The following MARK1 variants were observed in gnomAD, a reference collection of about 807,000 sequenced individuals.
MARK1 encodes serine/threonine-protein kinase MARK1.
A neutral mutation model predicts 96.3 loss-of-function variants in MARK1; 40 were observed. The ratio of observed to expected loss-of-function variants is 0.42; its 90% CI spans 0.32 to 0.54. The LOEUF (loss-of-function observed/expected upper bound fraction) is 0.54, where lower values mean the gene tolerates loss of function less well. Ranked by LOEUF, MARK1 falls within the 20% of genes least tolerant of loss-of-function variation. The pLI is 0.16. For synonymous variants in MARK1, 317 were observed against 341.2 expected (o/e 0.93, Z 0.78); for missense variants, 719 against 984.6 (o/e 0.73, Z 3.61).
intron 1 of MARK1, chr1:220,571,610 C>T (rs939766839): frequency 1.4e-4 from 21 of 152,178 alleles, no homozygotes; most frequent in African/African-American, 4.8e-4. Flanking sequence ...ATATTTCTGA[C>T]AACTAAACTC....
At chr1:220,592,211 G>GATTATATCATATTAT (rs1665033460) in intron 3 of MARK1, among the ~76,000 whole-genome samples, 1 of 130,790 alleles carries the variant, frequency 7.6e-6, no homozygotes, top group Non-Finnish European at 1.6e-5. Flanking sequence ...TCACTGTCAT[G>GATTATATCATATTAT]ATTATATCAT....
At chr1:220,629,409 C>T (rs1026999722) in intron 9 of MARK1, among the ~76,000 whole-genome samples, 1 of 150,786 alleles carries the variant, frequency 6.6e-6, no homozygotes, top group Non-Finnish European at 1.5e-5. Flanking sequence ...TATATTTACC[C>T]TCAACAACTT....
rs550001368 is a variant in MARK1 at position 220,642,726 on chromosome 1, G to A, written c.1470+6700G>A. On this transcript the variant is annotated intron_variant, in intron 13 of 17. Coordinates refer to ENST00000366917, the MANE Select transcript of MARK1 (RefSeq NM_018650.5). ...CAACTCATATGGGAGAGTTCCAGCTGGCATCAGGTTGCTGCCCCTCTGGGA... is the reference window on the plus strand; with the variant it reads ...CAACTCATATGGGAGAGTTCCAGCTAGCATCAGGTTGCTGCCCCTCTGGGA... Among the ~76,000 whole-genome samples, 8 of 152,322 alleles carry A rather than the reference G, an allele frequency of 5.3e-5. No individual in the cohort carries two copies. The East Asian group carries it at 1.5e-3, about 29-fold the overall frequency.
intron 13 of MARK1, among the ~76,000 whole-genome samples, chr1:220,639,376 T>C (rs1037014100): frequency 3.2e-4 from 49 of 152,228 alleles, no homozygotes; most frequent in Non-Finnish European, 8.8e-5. Flanking sequence ...TTTTAATTTA[T>C]TTCACTTATA....
rs892387126 is a variant in MARK1 at position 220,584,502 on chromosome 1, G to A, written c.309+3384G>A. On this transcript the variant is annotated intron_variant, in intron 3 of 17. Coordinates refer to ENST00000366917, the MANE Select transcript of MARK1 (RefSeq NM_018650.5). ...TTATTAAATGAATAATCAAGTTACC[G>A]CTCGTGTCTGGTGTGTTACCTGTTA... Among the ~76,000 whole-genome samples, 4 of 152,234 alleles carry A rather than the reference G, an allele frequency of 2.6e-5. No individual in the cohort carries two copies. The East Asian group carries it at 5.8e-4, about 22-fold the overall frequency.
At chr1:220,573,183 G>C (rs1227851991) in intron 1 of MARK1, among the ~76,000 whole-genome samples, 1 of 151,966 alleles carries the variant, frequency 6.6e-6, no homozygotes, top group Non-Finnish European at 1.5e-5. Flanking sequence ...AGAATTTACA[G>C]TTTGGAGGAA....
At chr1:220,602,798 G>A (rs76309804) in intron 5 of MARK1, among the ~76,000 whole-genome samples, 2,609 of 151,936 alleles carry the variant, frequency 0.017, 34 homozygotes, top group Middle Eastern at 0.048. Context: ...CATTCATTAC[G>A]TATTTGATTT....
intron 1 of MARK1, among the ~76,000 whole-genome samples, chr1:220,541,373 A>G (rs1327291450): frequency 6.6e-6 from 1 of 152,056 alleles, no homozygotes; most frequent in Non-Finnish European, 1.5e-5. Flanking sequence ...GCTTGAGAAG[A>G]ATTTATATTG....
chr1:220,547,421 C>T (rs1001945665), intron 1 of MARK1, among the ~76,000 whole-genome samples: 1 of 152,206 alleles, frequency 6.6e-6, no homozygotes, highest in Non-Finnish European at 1.5e-5. Flanking sequence ...TTCTACCTTC[C>T]TCTCCAGGAG....
At position 220,635,988 on chromosome 1, in the gene MARK1, G is replaced by A. The variant is rs761372469; in HGVS notation, c.1432G>A (p.Val478Ile). ...AAGCGAGATGACTGCAAGCCCTCTTGTAGGGCCAGAGAGGAAAAAATCTTC... is the reference window on the plus strand; with the variant it reads ...AAGCGAGATGACTGCAAGCCCTCTTATAGGGCCAGAGAGGAAAAAATCTTC... ...SKSEMTASPL[V>I]GPERKKSSTI... is the part of the protein sequence containing the mutation. The change falls in exon 13 of 18, where the codon GTA (valine) becomes ATA (isoleucine). Residue 478 changes from valine to isoleucine, a missense_variant. Val to Ile is a conservative substitution (Grantham distance 29). Coordinates refer to ENST00000366917, the MANE Select transcript of MARK1 (RefSeq NM_018650.5). 21 of 1,613,444 alleles carry A rather than the reference G, an allele frequency of 1.3e-5. No homozygotes were observed. Among genetic ancestry groups the A allele is most frequent in the Non-Finnish European group, 1.7e-5 (20 of 1,179,846 alleles).
At chr1:220,570,236 T>C (rs1001203625) in intron 1 of MARK1, among the ~76,000 whole-genome samples, 1 of 152,056 alleles carries the variant, frequency 6.6e-6, no homozygotes, top group Non-Finnish European at 1.5e-5. Context: ...GGAAGTGATA[T>C]CTAAGCTGAA....
At chr1:220,625,780 A>G (rs569879505) in intron 9 of MARK1, 19 of 452,560 alleles carry the variant, frequency 4.2e-5, no homozygotes, top group African/African-American at 2.8e-4. Flanking sequence ...GTCTGTTACT[A>G]CTACGACGGG....
chr1:220,653,365 G>A lies in MARK1; in HGVS notation c.1988+13G>A. The A allele has an allele frequency of 6.2e-7, 1 of 1,612,388 alleles. No individual in the cohort carries two copies. The highest frequency in any genetic ancestry group is 8.5e-7 in the Non-Finnish European group (1 of 1,178,518). Reference sequence around the variant, plus strand: ...AATTTGTTCGCAGGTCAGTACCAATGTACTGTCGTGTTTTGATTCCTCTAG... The same window carrying A: ...AATTTGTTCGCAGGTCAGTACCAATATACTGTCGTGTTTTGATTCCTCTAG... On this transcript the variant is annotated intron_variant, in intron 16 of 17. Transcript: ENST00000366917.
At chr1:220,582,847 A>G (rs1438886014) in intron 3 of MARK1, among the ~76,000 whole-genome samples, 2 of 152,192 alleles carry the variant, frequency 1.3e-5, no homozygotes, top group Non-Finnish European at 2.9e-5. Context: ...AAAATGATAC[A>G]ATTTTGTTTT....
chr1:220,619,635 A>G (rs76270204), intron 9 of MARK1, among the ~76,000 whole-genome samples: 2,195 of 152,336 alleles, frequency 0.014, 28 homozygotes, highest in Middle Eastern at 0.044. Flanking sequence ...TTATAATAAT[A>G]GACACTATTA....
At chr1:220,586,199 C>T (rs1664617245) in intron 3 of MARK1, among the ~76,000 whole-genome samples, 1 of 152,164 alleles carries the variant, frequency 6.6e-6, no homozygotes, top group African/African-American at 2.4e-5. Flanking sequence ...TTTTCCACCT[C>T]ATGGACCATG....
intron 1 of MARK1, 80 bp downstream of exon 1, chr1:220,528,953 C>A (rs1015727516): frequency 4.2e-6 from 6 of 1,412,996 alleles, no homozygotes; most frequent in Admixed American, 4.9e-5. Flanking sequence ...CTTGGGCCGT[C>A]CCCCGTGCCT....
chr1:220,662,032 C>T lies in MARK1; in HGVS notation c.2254C>T (p.Leu752Phe), dbSNP rs761374527. The T allele has an allele frequency of 8.7e-6, 14 of 1,614,040 alleles. No homozygotes were observed. Among genetic ancestry groups the T allele is most frequent in the Admixed American group, 3.3e-5 (2 of 60,008 alleles). The stretch of plus-strand genomic sequence containing the variant: ...CCATGGAGACGCTAGACAGGATAGC[C>T]TCGTGCAGTGGGAGATGGAAGTCTG... Reference protein sequence around the residue: ...CVHGDARQDSLVQWEMEVCKL... With the variant: ...CVHGDARQDSFVQWEMEVCKL... The change falls in exon 18 of 18, where the codon CTC becomes TTC. Residue 752 changes from leucine (L) to phenylalanine (F), a missense_variant. Physicochemically the swap from Leu to Phe is conservative, Grantham distance 22. This residue lies in a region of MARK1 where 501 missense variants were observed against 588.3 expected (regional missense o/e 0.85). Transcript: ENST00000366917.
At chr1:220,562,799 C>G (rs115545125) in intron 1 of MARK1, among the ~76,000 whole-genome samples, 1 of 152,068 alleles carries the variant, frequency 6.6e-6, no homozygotes, top group Admixed American at 6.6e-5. Flanking sequence ...CTTATAATAC[C>G]GAATACAGTG....
Sources: allele counts gnomAD v4.1 joint callset (sites outside exome capture counted in the v4.1 genomes callset), GRCh38; gene constraint gnomAD v4.1.1; regional missense constraint gnomAD v4.1.1; transcripts MANE v1.5; gene names NCBI Gene and HGNC (gene_info 2026-07-23, HGNC 2026-07-21).